CTNNA2: variants seen among roughly 807,000 people sequenced by gnomAD.
CTNNA2 encodes catenin alpha-2.
A neutral mutation model predicts 101.0 loss-of-function variants in CTNNA2; 42 were observed. The ratio of observed to expected loss-of-function variants is 0.42; its 90% CI spans 0.32 to 0.54. The LOEUF (loss-of-function observed/expected upper bound fraction) is 0.54, where lower values mean the gene tolerates loss of function less well. CTNNA2 is among the 20% of genes least tolerant of loss of function. The pLI is 0.14. For missense variants in CTNNA2, 871 were observed against 1,223.1 expected (o/e 0.71, Z 4.29); for synonymous variants, 450 against 456.4 (o/e 0.99, Z 0.18).
intron 1 of CTNNA2, among the ~76,000 whole-genome samples, chr2:79,554,810 C>T (rs1046087033): frequency 6.6e-6 from 1 of 152,122 alleles, no homozygotes; most frequent in Non-Finnish European, 1.5e-5. Flanking sequence ...GTGATACTTC[C>T]ATGGTCATAG....
At chr2:80,535,910 T>C (rs1345407628) in intron 9 of CTNNA2, among the ~76,000 whole-genome samples, 1 of 152,194 alleles carries the variant, frequency 6.6e-6, no homozygotes, top group African/African-American at 2.4e-5. Context: ...AATATTCTTC[T>C]GGGCAGCCAG....
chr2:80,280,690 A>G (rs1278603279), intron 7 of CTNNA2, among the ~76,000 whole-genome samples: 1 of 152,158 alleles, frequency 6.6e-6, no homozygotes, highest in African/African-American at 2.4e-5. Flanking sequence ...GGACAATTCC[A>G]GAAATAAACA....
intron 7 of CTNNA2, among the ~76,000 whole-genome samples, chr2:80,141,482 A>G (rs1159435498): frequency 1.3e-5 from 2 of 151,976 alleles, no homozygotes; most frequent in East Asian, 3.9e-4. Context: ...GAGAAAGAAA[A>G]CCACCAAAGA....
At chr2:79,288,862 T>A (rs1240895064) in intron 2 of CTNNA2, among the ~76,000 whole-genome samples, 2 of 152,238 alleles carry the variant, frequency 1.3e-5, no homozygotes, top group Non-Finnish European at 2.9e-5. Context: ...ATGTGTGATC[T>A]TCTTTAATGA....
At chr2:79,448,390 A>G (rs1252258225) in intron 4 of CTNNA2, among the ~76,000 whole-genome samples, 2 of 152,114 alleles carry the variant, frequency 1.3e-5, no homozygotes, top group African/African-American at 2.4e-5. Context: ...TGTATGCATT[A>G]TGTTTTGATA....
intron 7 of CTNNA2, among the ~76,000 whole-genome samples, chr2:80,251,521 C>T (rs533507581): frequency 2.6e-5 from 4 of 152,202 alleles, no homozygotes; most frequent in African/African-American, 7.2e-5. Context: ...CTAGCAGGCT[C>T]CCATGGAACC....
chr2:79,698,373 G>A (rs1684778076), intron 2 of CTNNA2, among the ~76,000 whole-genome samples: 1 of 152,096 alleles, frequency 6.6e-6, no homozygotes, highest in South Asian at 2.1e-4. Flanking sequence ...TTTTAAAGGA[G>A]AAAAAACAGA....
chr2:79,222,935 C>T (rs1351123039), intron 2 of CTNNA2, among the ~76,000 whole-genome samples: 2 of 151,842 alleles, frequency 1.3e-5, no homozygotes, highest in Non-Finnish European at 2.9e-5. Flanking sequence ...ATTGCTGAGT[C>T]CAGTGTTTGA....
chr2:80,249,896 GTTAT>G (rs1301114357), intron 7 of CTNNA2, among the ~76,000 whole-genome samples: 8 of 152,036 alleles, frequency 5.3e-5, no homozygotes, highest in Non-Finnish European at 1.0e-4. Context: ...CTTGCTTCAT[GTTAT>G]TTGTTTTTTA....
At chr2:80,558,460 A>G (rs879492372) in intron 12 of CTNNA2, among the ~76,000 whole-genome samples, 56 of 70,022 alleles carry the variant, frequency 8.0e-4, no homozygotes, top group Non-Finnish European at 1.6e-3. Flanking sequence ...GTGTGTGTGT[A>G]TATATGTGTG....
chr2:80,333,196 G>C (rs1193402679), intron 7 of CTNNA2, among the ~76,000 whole-genome samples: 2 of 152,140 alleles, frequency 1.3e-5, no homozygotes, highest in South Asian at 2.1e-4. Context: ...CTAGGAATTA[G>C]TTACTAAAGG....
At chr2:79,740,592 T>C (rs1220477101) in intron 2 of CTNNA2, among the ~76,000 whole-genome samples, 2 of 152,156 alleles carry the variant, frequency 1.3e-5, no homozygotes, top group Non-Finnish European at 2.9e-5. Context: ...TATAAACATA[T>C]ATTCATATAT....
chr2:80,447,827 G>A (rs935485947), intron 9 of CTNNA2, among the ~76,000 whole-genome samples: 1 of 152,220 alleles, frequency 6.6e-6, no homozygotes, highest in Non-Finnish European at 1.5e-5. Context: ...AGGTGGGAGG[G>A]TGGAGGGCAT....
chr2:79,709,879 A>G (rs1226441761), intron 2 of CTNNA2, among the ~76,000 whole-genome samples: 2 of 152,140 alleles, frequency 1.3e-5, no homozygotes, highest in African/African-American at 4.8e-5. Context: ...TGGGACAATA[A>G]CAGAGACATT....
At chr2:79,597,657 C>T (rs1008623567) in intron 1 of CTNNA2, among the ~76,000 whole-genome samples, 15 of 152,046 alleles carry the variant, frequency 9.9e-5, no homozygotes, top group African/African-American at 3.6e-4. Context: ...TTTAGGTGCA[C>T]AGAGAAATTG....
intron 7 of CTNNA2, among the ~76,000 whole-genome samples, chr2:80,352,084 T>C (rs1172623180): frequency 6.6e-6 from 1 of 152,148 alleles, no homozygotes; most frequent in Non-Finnish European, 1.5e-5. Context: ...GTGTGCCCAC[T>C]GCAAGGGAGA....
chr2:79,933,646 G>A (rs537087435), intron 7 of CTNNA2, among the ~76,000 whole-genome samples: 1 of 152,112 alleles, frequency 6.6e-6, no homozygotes, highest in East Asian at 1.9e-4. Flanking sequence ...GTAGAGACGG[G>A]GTTTCACCAT....
At chr2:79,417,166 G>T (rs1678493870) in intron 4 of CTNNA2, among the ~76,000 whole-genome samples, 2 of 152,128 alleles carry the variant, frequency 1.3e-5, no homozygotes, top group South Asian at 4.1e-4. Context: ...GATATGAACT[G>T]GTAGTTTAAA....
At chr2:79,394,732 T>TTA (rs1236853487) in intron 4 of CTNNA2, among the ~76,000 whole-genome samples, 1 of 152,210 alleles carries the variant, frequency 6.6e-6, no homozygotes, top group East Asian at 1.9e-4. Context: ...AAAGCCTGAA[T>TTA]TACATAGTTC....
Sources: allele counts gnomAD v4.1 joint callset (sites outside exome capture counted in the v4.1 genomes callset), GRCh38; gene constraint gnomAD v4.1.1; transcripts MANE v1.5; gene names NCBI Gene and HGNC (gene_info 2026-07-23, HGNC 2026-07-21).